Variants in RPL17 observed in about 807,000 individuals in gnomAD.
The protein encoded by RPL17 is ribosomal protein L17.
In RPL17, 2 loss-of-function variants were observed where a neutral mutation model predicts 27.7. The observed-to-expected ratio is 0.07, with a 90% CI of 0.03 to 0.23. The LOEUF is 0.23. RPL17 is among the 10% of genes least tolerant of loss of function. The pLI is 1.00. For synonymous variants in RPL17, 76 were observed against 75.5 expected, an observed-to-expected ratio of 1.01 and a Z score of -0.03; for missense variants, 141 against 238.8, an observed-to-expected ratio of 0.59 and a Z score of 2.70.
chr18:49,492,462 G>C lies in RPL17; in HGVS notation c.-18C>G, dbSNP rs973301463. ...CAACGCAGGAGAAACACTCACCTCA[G>C]GCTGCTTAGGGAAAGAGGAAGAGCG... On this transcript the variant is annotated 5_prime_UTR_variant, in exon 1 of 7. Transcript: ENST00000580261. 2.6e-5 allele frequency: 4 copies of C among 152,286 alleles called. No individual in the cohort carries two copies. Among genetic ancestry groups the C allele is most frequent in the East Asian group, 3.8e-4 (2 of 5,200 alleles). 9.4% of individuals were successfully genotyped at this position (152,286 alleles called of 1,614,324 possible).
intron 1 of RPL17, chr18:49,492,053 C>T (rs1406796783): frequency 1.1e-5 from 3 of 274,134 alleles, no homozygotes. Flanking sequence ...GTACGCAACA[C>T]TCTTGTAGTA....
intron 6 of RPL17, chr18:49,489,103 G>C: frequency 2.7e-6 from 1 of 366,058 alleles, no homozygotes; most frequent in South Asian, 2.7e-5. Flanking sequence ...GGGTTTCACT[G>C]TGTTAGCCAG....
rs562377874 is a variant in RPL17 at position 49,490,813 on chromosome 18, C to T, written c.196G>A (p.Gly66Arg). 6.2e-7 allele frequency: 1 copy of T among 1,613,020 alleles called. No homozygotes were observed. The highest frequency in any genetic ancestry group is 1.1e-5 in the South Asian group (1 of 91,014). Residue 66 changes from glycine to arginine, a missense_variant, in exon 4 of 7, where the codon GGA becomes AGA. Around this residue, in one of 2 missense-constraint regions of RPL17, gnomAD observed 107 missense variants for 150.1 expected, o/e 0.71. Coordinates refer to ENST00000580261, the MANE Select transcript of RPL17 (RefSeq NM_001035006.5). Reference protein sequence around the residue: ...QCVPFRRYNGGVGRCAQAKQW... With the variant: ...QCVPFRRYNGRVGRCAQAKQW... ...CTCACCTGCGCACACCTGCCAACTC[C>T]ACCATTGTAACGTCGGAATGGTACA...
At chr18:49,491,311 T>C (rs2084055722) in intron 3 of RPL17, 94 bp downstream of exon 3, 5 of 1,577,232 alleles carry the variant, frequency 3.2e-6, no homozygotes, top group African/African-American at 2.7e-5. Context: ...ATTTTCACGG[T>C]AAATCCAAAG....
At position 49,490,803 on chromosome 18, in the gene RPL17, C is replaced by T; in HGVS notation, c.206G>A (p.Arg69Lys). 1 of 1,612,924 alleles carries T rather than the reference C, an allele frequency of 6.2e-7. No homozygotes were observed. Among genetic ancestry groups the T allele is most frequent in the Non-Finnish European group, 8.5e-7 (1 of 1,179,844 alleles). Residue 69 changes from arginine (R) to lysine (K), a missense_variant, in exon 4 of 7, where the codon AGG becomes AAG. Coordinates refer to ENST00000580261, the MANE Select transcript of RPL17 (RefSeq NM_001035006.5). ...ACTAAGAATTCTCACCTGCGCACAC[C>T]TGCCAACTCCACCATTGTAACGTCG... ...PFRRYNGGVG[R>K]CAQAKQWGWT... is the part of the protein sequence containing the mutation.
At chr18:49,490,215 C>G in intron 5 of RPL17, 1 of 442,966 alleles carries the variant, frequency 2.3e-6, no homozygotes, top group Non-Finnish European at 4.0e-6. Context: ...ACTAGAAATA[C>G]TAAGTGTTAG....
intron 6 of RPL17, 30 bp from the exon 7 acceptor site, chr18:49,488,596 T>G (rs1305381278): frequency 7.3e-7 from 1 of 1,365,462 alleles, no homozygotes. Context: ...TTAAGTTTCT[T>G]AGAGAAAACC....
chr18:49,491,627 G>GT (rs1568504568), intron 1 of RPL17, 43 bp from the exon 2 acceptor site: 2 of 1,600,648 alleles, frequency 1.2e-6, no homozygotes, highest in Non-Finnish European at 1.7e-6. Flanking sequence ...CGTACTTACA[G>GT]TAACTCATTC....
Position 49,490,444 on chromosome 18 carries a change from G to A in RPL17, c.315+10C>T. On this transcript the variant is annotated intron_variant, in intron 5 of 6. Coordinates refer to ENST00000580261, the MANE Select transcript of RPL17 (RefSeq NM_001035006.5). Reference sequence around the variant, plus strand: ...ACCCAAGTTGCACAGGATGTTAGTGGTTTGGGTACCTTAAGTTCAGCATTA... The same window carrying A: ...ACCCAAGTTGCACAGGATGTTAGTGATTTGGGTACCTTAAGTTCAGCATTA... The A allele has an allele frequency of 6.2e-7, 1 of 1,613,828 alleles. No individual in the cohort carries two copies. The highest frequency in any genetic ancestry group is 8.5e-7 in the Non-Finnish European group (1 of 1,179,792).
In RPL17 at chr18:49,490,506, G is replaced by A; in HGVS notation, c.263C>T (p.Ala88Val). 4 of 1,613,960 alleles carry A rather than the reference G, an allele frequency of 2.5e-6. No individual in the cohort carries two copies. Among genetic ancestry groups the A allele is most frequent in the Non-Finnish European group, 3.4e-6 (4 of 1,179,896 alleles). ...WTQGRWPKKS[A>V]EFLLHMLKNA... Reference sequence around the variant, plus strand: ...TTTAAGCATGTGCAGCAAAAATTCAGCACTCTTTTTGGGCCACCGACCTTG... The same window carrying A: ...TTTAAGCATGTGCAGCAAAAATTCAACACTCTTTTTGGGCCACCGACCTTG... Residue 88 changes from alanine to valine, a missense_variant, in exon 5 of 7, where the codon GCT becomes GTT. By Grantham distance (64) the Ala-to-Val change is moderately conservative. Transcript: ENST00000580261.
intron 6 of RPL17, 42 bp downstream of exon 6, chr18:49,489,317 C>G (rs576099460): frequency 6.2e-7 from 1 of 1,607,522 alleles, no homozygotes; most frequent in Non-Finnish European, 8.5e-7. Context: ...AACCACAAAT[C>G]TTTCTACTAT....
intron 3 of RPL17, 130 bp downstream of exon 3, chr18:49,491,275 A>AT (rs1471693726): frequency 2.9e-6 from 4 of 1,393,600 alleles, no homozygotes; most frequent in South Asian, 1.2e-5. Flanking sequence ...ATGCCTAAAT[A>AT]TAAGGTGGCT....
chr18:49,492,452 A>G lies in RPL17; in HGVS notation c.-14+6T>C, dbSNP rs1461177819. 1 of 152,288 alleles carries G rather than the reference A, an allele frequency of 6.6e-6. No individual in the cohort carries two copies. The highest frequency in any genetic ancestry group is 1.5e-5 in the Non-Finnish European group (1 of 68,126). The allele number at this position is 152,288 out of a possible 1,614,324, so 9.4% of individuals were successfully genotyped here. A position where few individuals can be genotyped will look rare whatever the true frequency, so the allele number is the denominator to read the frequency against. ...GCCCTCGGAGCAACGCAGGAGAAACACTCACCTCAGGCTGCTTAGGGAAAG... is the reference window on the plus strand; with the variant it reads ...GCCCTCGGAGCAACGCAGGAGAAACGCTCACCTCAGGCTGCTTAGGGAAAG... On this transcript the variant is annotated splice_donor_region_variant and intron_variant, in intron 1 of 6. Coordinates refer to ENST00000580261, the MANE Select transcript of RPL17 (RefSeq NM_001035006.5).
chr18:49,490,610 A>G, intron 4 of RPL17, 58 bp from the exon 5 acceptor site: 3 of 1,610,492 alleles, frequency 1.9e-6, no homozygotes, highest in Non-Finnish European at 2.5e-6. Context: ...CATTACAGCC[A>G]AGATGAATTT....
chr18:49,489,300 TCACAGCA>T, intron 6 of RPL17, 52 bp downstream of exon 6: 1 of 1,585,200 alleles, frequency 6.3e-7, no homozygotes, highest in Non-Finnish European at 8.7e-7. Flanking sequence ...AAGATAGTCA[TCACAGCA>T]ACCACAAATC....
At chr18:49,490,238 C>T in intron 5 of RPL17, 1 of 532,418 alleles carries the variant, frequency 1.9e-6, no homozygotes, top group Non-Finnish European at 3.3e-6. Flanking sequence ...TTAAAGAGAC[C>T]ACAGAGCACG....
intron 1 of RPL17, chr18:49,491,870 T>A (rs1014577699): frequency 5.7e-5 from 31 of 544,878 alleles, no homozygotes; most frequent in Middle Eastern, 5.1e-4. Flanking sequence ...AATCCAATGC[T>A]GGATCTTCCA....
At chr18:49,490,351 A>AT (rs3831447) in intron 5 of RPL17, 103 bp downstream of exon 5, 3 of 1,240,218 alleles carry the variant, frequency 2.4e-6, no homozygotes, top group South Asian at 1.4e-5. Context: ...AAAAATCCTA[A>AT]GAGTTAATTA....
At chr18:49,490,340 A>G (rs1394191604) in intron 5 of RPL17, 114 bp downstream of exon 5, 6 of 1,145,916 alleles carry the variant, frequency 5.2e-6, no homozygotes, top group Non-Finnish European at 7.2e-6. Context: ...GTAGAAATTT[A>G]AAAAATCCTA....
Sources: allele counts gnomAD v4.1 joint callset, GRCh38; gene constraint gnomAD v4.1.1; regional missense constraint gnomAD v4.1.1; transcripts MANE v1.5; gene names NCBI Gene and HGNC (gene_info 2026-07-23, HGNC 2026-07-21).